The following OPCML variants were observed in gnomAD, a reference collection of about 807,000 sequenced individuals.
OPCML encodes opioid binding protein/cell adhesion molecule like, also known as opioid-binding protein/cell adhesion molecule.
In OPCML, 13 loss-of-function variants were observed where a neutral mutation model predicts 37.8. The observed-to-expected ratio is 0.34, with a 90% CI of 0.22 to 0.55. OPCML has a LOEUF of 0.55. Among genes scored for constraint, OPCML ranks in the 20% least tolerant of loss-of-function variants. The pLI, the probability that OPCML is intolerant of heterozygous loss-of-function variation, is 0.91. For missense variants in OPCML, 341 were observed against 435.6 expected (o/e 0.78, Z 1.93); for synonymous variants, 176 against 168.8 (o/e 1.04, Z -0.33).
At chr11:133,526,241 G>C (rs1372991908) in intron 1 of OPCML, among the ~76,000 whole-genome samples, 1 of 152,224 alleles carries the variant, frequency 6.6e-6, no homozygotes, top group Non-Finnish European at 1.5e-5. Context: ...GTCTGGCACA[G>C]GCAGCCTGTG....
chr11:132,858,833 A>T (rs1942174177), intron 2 of OPCML, among the ~76,000 whole-genome samples: 1 of 152,212 alleles, frequency 6.6e-6, no homozygotes, highest in Non-Finnish European at 1.5e-5. Context: ...GGTCCTTGTG[A>T]TTATTTCATA....
chr11:132,742,771 A>G (rs1945476570), intron 2 of OPCML, among the ~76,000 whole-genome samples: 1 of 148,866 alleles, frequency 6.7e-6, no homozygotes, highest in African/African-American at 2.4e-5. Context: ...CGTTATATAT[A>G]ATGTACAAGT....
At chr11:132,929,114 G>T (rs1489977679) in intron 2 of OPCML, among the ~76,000 whole-genome samples, 4 of 150,474 alleles carry the variant, frequency 2.7e-5, no homozygotes, top group Non-Finnish European at 4.4e-5. Flanking sequence ...TTATAGGAGA[G>T]ATAAACAAAA....
chr11:133,204,630 T>G (rs1938952568), intron 1 of OPCML, among the ~76,000 whole-genome samples: 1 of 151,970 alleles, frequency 6.6e-6, no homozygotes, highest in Admixed American at 6.6e-5. Context: ...AAACTGACAA[T>G]TAGTTTCATG....
chr11:132,988,055 A>C (rs1019033895), intron 1 of OPCML, among the ~76,000 whole-genome samples: 3 of 152,274 alleles, frequency 2.0e-5, no homozygotes, highest in African/African-American at 7.2e-5. Context: ...TTTGCTTTCA[A>C]GTAACCACAA....
intron 1 of OPCML, among the ~76,000 whole-genome samples, chr11:133,140,708 G>A (rs1407652331): frequency 3.0e-4 from 9 of 29,808 alleles, no homozygotes; most frequent in Admixed American, 1.2e-3. Context: ...AGAAGAAGAC[G>A]GAAGACGAAG....
chr11:133,350,546 C>T (rs1046792844), intron 1 of OPCML, among the ~76,000 whole-genome samples: 5 of 152,118 alleles, frequency 3.3e-5, no homozygotes, highest in African/African-American at 9.7e-5. Flanking sequence ...ATGTCACCCC[C>T]ACCAAAATAT....
chr11:133,496,674 G>A (rs1245269587), intron 1 of OPCML, among the ~76,000 whole-genome samples: 12 of 152,110 alleles, frequency 7.9e-5, no homozygotes, highest in Non-Finnish European at 2.9e-5. Context: ...GTAAGAAGGG[G>A]TTGAGTTCTT....
Position 133,481,114 on chromosome 11 carries a change from T to C in OPCML, c.61+51150A>G, listed in dbSNP as rs374798043. On this transcript the variant is annotated intron_variant, in intron 1 of 7. Transcript: ENST00000524381. ...CAATGCTAAATAATTTTATCGAGAT[T>C]AACCATATATGACTGTGAAGTTGTA... 5.9e-5 allele frequency among the ~76,000 whole-genome samples: 9 copies of C among 152,304 alleles called. No homozygotes were observed. The East Asian group carries it at 1.7e-3, about 29-fold the overall frequency.
At chr11:132,618,026 A>G (rs1939146651) in intron 3 of OPCML, among the ~76,000 whole-genome samples, 1 of 152,088 alleles carries the variant, frequency 6.6e-6, no homozygotes. Flanking sequence ...ATACAACTCT[A>G]CTGCTTGTTC....
intron 1 of OPCML, among the ~76,000 whole-genome samples, chr11:133,022,569 G>A (rs1947474255): frequency 1.3e-5 from 2 of 151,066 alleles, no homozygotes; most frequent in Non-Finnish European, 2.9e-5. Flanking sequence ...TCCACTGTCT[G>A]CACATATGTA....
At chr11:132,776,068 T>C (rs1399144633) in intron 2 of OPCML, among the ~76,000 whole-genome samples, 1 of 152,294 alleles carries the variant, frequency 6.6e-6, no homozygotes, top group Non-Finnish European at 1.5e-5. Flanking sequence ...TAGCTGGGAC[T>C]ACAGGCATGC....
intron 2 of OPCML, among the ~76,000 whole-genome samples, chr11:132,863,142 T>A (rs1171540770): frequency 6.6e-6 from 1 of 151,994 alleles, no homozygotes; most frequent in Non-Finnish European, 1.5e-5. Flanking sequence ...TGGGGCGTGA[T>A]CAGACCCTTC....
At chr11:132,617,909 G>A (rs1361326575) in intron 3 of OPCML, among the ~76,000 whole-genome samples, 7 of 152,126 alleles carry the variant, frequency 4.6e-5, no homozygotes, top group Admixed American at 1.3e-4. Flanking sequence ...ATCAAAGTGG[G>A]GATTATGGCT....
intron 1 of OPCML, among the ~76,000 whole-genome samples, chr11:133,462,801 T>G (rs746302042): frequency 6.6e-5 from 10 of 152,210 alleles, no homozygotes; most frequent in Non-Finnish European, 7.4e-5. Flanking sequence ...AGCATAAAAT[T>G]GACATGTGGT....
At chr11:133,287,740 A>G (rs906357814) in intron 1 of OPCML, among the ~76,000 whole-genome samples, 1 of 152,064 alleles carries the variant, frequency 6.6e-6, no homozygotes, top group Non-Finnish European at 1.5e-5. Flanking sequence ...CGTGCAGGAA[A>G]GGAGGCAGAG....
chr11:132,951,746 C>T (rs1945865538), intron 1 of OPCML, among the ~76,000 whole-genome samples: 1 of 152,106 alleles, frequency 6.6e-6, no homozygotes, highest in Admixed American at 6.5e-5. Context: ...ACAAAAATTC[C>T]CAAGGCGTCC....
chr11:133,458,714 TGTGTGTATATATACACATAGATGCAC>T (rs1296632769), intron 1 of OPCML, among the ~76,000 whole-genome samples: 2 of 143,392 alleles, frequency 1.4e-5, no homozygotes, highest in African/African-American at 5.7e-5. Context: ...TAGATGCACG[TGTGTGTATATATACACATAGATGCAC>T]GTGTGTGTAT....
At chr11:132,495,055 A>G (rs1481732698) in intron 4 of OPCML, among the ~76,000 whole-genome samples, 2 of 150,836 alleles carry the variant, frequency 1.3e-5, no homozygotes, top group Admixed American at 6.6e-5. Flanking sequence ...CTCAAAGTTT[A>G]CATCATTGTC....
Sources: allele counts gnomAD v4.1 joint callset (sites outside exome capture counted in the v4.1 genomes callset), GRCh38; gene constraint gnomAD v4.1.1; transcripts MANE v1.5; gene names NCBI Gene and HGNC (gene_info 2026-07-23, HGNC 2026-07-21).